Variants in MPDU1 observed in about 807,000 individuals in gnomAD.
MPDU1 encodes mannose-P-dolichol utilization defect 1.
A neutral mutation model predicts 27.6 loss-of-function variants in MPDU1; 18 were observed. The ratio of observed to expected loss-of-function variants is 0.65; its 90% CI spans 0.45 to 0.97. The LOEUF is 0.97. Among genes scored for constraint, MPDU1 ranks in the 50% least tolerant of loss-of-function variants. The pLI, the probability that MPDU1 is intolerant of heterozygous loss-of-function variation, is 0.00. For missense variants in MPDU1, 279 were observed against 297.4 expected, an observed-to-expected ratio of 0.94 and a Z score of 0.46; for synonymous variants, 142 against 131.1, an observed-to-expected ratio of 1.08 and a Z score of -0.57.
At position 7,587,468 on chromosome 17, in the gene MPDU1, T is replaced by G. The variant is rs761520453; in HGVS notation, c.661T>G (p.Ser221Ala). The G allele has an allele frequency of 1.9e-6, 3 of 1,613,748 alleles. No homozygotes were observed. The highest frequency in any genetic ancestry group is 3.3e-5 in the Admixed American group (2 of 59,968). Reference sequence around the variant, plus strand: ...GATGGCTGGGACCTTTGTGGTCTCCTCTCTCTGCAACGGCCTCATCGCCGC... The same window carrying G: ...GATGGCTGGGACCTTTGTGGTCTCCGCTCTCTGCAACGGCCTCATCGCCGC... The part of the protein sequence containing the change: ...PLMAGTFVVS[S>A]LCNGLIAAQL... The change falls in exon 7 of 7, where the codon TCT becomes GCT. Residue 221 changes from serine (S) to alanine (A), a missense_variant. By Grantham distance (99) the Ser-to-Ala change is moderately conservative. Transcript: ENST00000250124.
At chr17:7,584,749 T>C (rs1597862089) in intron 1 of MPDU1, among the ~76,000 whole-genome samples, 1 of 152,050 alleles carries the variant, frequency 6.6e-6, no homozygotes, top group Non-Finnish European at 1.5e-5. Context: ...CCCAGCACTT[T>C]GGGAGGCCGA....
rs146631664 is a variant in MPDU1 at position 7,583,874 on chromosome 17, G to A, written c.12G>A (p.Glu4=). Residue 4 remains glutamate (E), a synonymous_variant, in exon 1 of 7, where the codon GAG becomes GAA. Transcript: ENST00000250124. MAA[E]ADGPLKRLLV... is the part of the protein sequence containing the mutation. ...GCTAGCTTTGCAATATGGCGGCCGA[G>A]GCGGACGGACCGCTTAAACGGCTGC... 3.2e-5 allele frequency: 52 copies of A among 1,613,984 alleles called. No individual in the cohort carries two copies. The highest frequency in any genetic ancestry group is 3.3e-4 in the Middle Eastern group (2 of 6,084).
intron 3 of MPDU1, 120 bp from the exon 4 acceptor site, chr17:7,586,572 C>G (rs571232563): frequency 3.4e-6 from 3 of 882,072 alleles, no homozygotes; most frequent in Non-Finnish European, 5.7e-6. Flanking sequence ...GAGCCAGTCC[C>G]GTGTGGGGGC....
At chr17:7,583,825 G>T (rs766795099), upstream of MPDU1, 1 of 1,604,414 alleles carries the variant, frequency 6.2e-7, no homozygotes, top group East Asian at 2.2e-5. Context: ...GAAAGTCAAT[G>T]GCGGTCTGGA....
In MPDU1 at chr17:7,587,677, C is replaced by A; in HGVS notation, c.*126C>A. 2 of 1,363,290 alleles carry A rather than the reference C, an allele frequency of 1.5e-6. No individual in the cohort carries two copies. Among genetic ancestry groups the A allele is most frequent in the Non-Finnish European group, 2.1e-6 (2 of 966,792 alleles). 84.4% of individuals were successfully genotyped at this position (1,363,290 alleles called of 1,614,324 possible). A position where few individuals can be genotyped will look rare whatever the true frequency, so the allele number is the denominator to read the frequency against. On this transcript the variant is annotated 3_prime_UTR_variant, in exon 7 of 7. Coordinates refer to ENST00000250124, the MANE Select transcript of MPDU1 (RefSeq NM_004870.4). ...CTCTGCACTTGCAGACTTTCTGAGC[C>A]AGGGTTTTCTTTTAGTGGAAACAAA...
chr17:7,584,707 A>G (rs1254397644), intron 1 of MPDU1, among the ~76,000 whole-genome samples: 2 of 152,180 alleles, frequency 1.3e-5, no homozygotes, highest in African/African-American at 2.4e-5. Flanking sequence ...AAAGAGTGGT[A>G]TGGGGCGGGC....
At position 7,585,996 on chromosome 17, in the gene MPDU1, T is replaced by A. The variant is rs1191098069; in HGVS notation, c.220T>A (p.Leu74Met). The A allele has an allele frequency of 1.2e-6, 2 of 1,614,058 alleles. No individual in the cohort carries two copies. The highest frequency in any genetic ancestry group is 2.2e-5 in the East Asian group (1 of 44,874). The change falls in exon 3 of 7, where the codon TTG becomes ATG. Residue 74 changes from leucine (L) to methionine (M), a missense_variant. Physicochemically the swap from Leu to Met is conservative, Grantham distance 15. Coordinates refer to ENST00000250124, the MANE Select transcript of MPDU1 (RefSeq NM_004870.4). ...KILGAKSAEG[L>M]SLQSVMLELV... ...CCTGGGAGCCAAGAGTGCTGAAGGG[T>A]TGAGTCTCCAGTCTGTAATGCTGGA...
In MPDU1 at chr17:7,586,027, T is replaced by G. The variant is rs1319717800; in HGVS notation, c.251T>G (p.Val84Gly). Reference protein sequence around the residue: ...LSLQSVMLELVALTGTMVYSI... With the variant: ...LSLQSVMLELGALTGTMVYSI... ...CTCCAGTCTGTAATGCTGGAGCTAG[T>G]GGCATTGACTGGGACCATGGTCTAC... The change falls in exon 3 of 7, where the codon GTG (valine) becomes GGG (glycine). Residue 84 changes from valine to glycine, a missense_variant. By Grantham distance (109) the Val-to-Gly change is moderately radical (BLOSUM62 -3). Transcript: ENST00000250124. 4 of 1,614,052 alleles carry G rather than the reference T, an allele frequency of 2.5e-6. No homozygotes were observed. In the East Asian group the frequency reaches 6.7e-5, roughly 27 times the overall value.
intron 1 of MPDU1, 55 bp downstream of exon 1, chr17:7,584,020 A>C (rs774663062): frequency 1.9e-6 from 3 of 1,546,314 alleles, no homozygotes; most frequent in Non-Finnish European, 8.9e-7. Context: ...GTGGGCCCTT[A>C]GTCCAAGCCT....
Position 7,587,813 on chromosome 17 carries a change from C to CA in MPDU1, c.*263dup. On this transcript the variant is annotated 3_prime_UTR_variant, in exon 7 of 7. Transcript: ENST00000250124. ...AAGCCCTGTACATGTACTATTAATTCAGTCATTCAGCCAAGCCTCCTCCTC... is the reference window on the plus strand; with the variant it reads ...AAGCCCTGTACATGTACTATTAATTCAAGTCATTCAGCCAAGCCTCCTCCTC... The CA allele has an allele frequency of 1.7e-6, 1 of 582,674 alleles. No homozygotes were observed. The highest frequency in any genetic ancestry group is 3.2e-6 in the Non-Finnish European group (1 of 310,034). The allele number at this position is 582,674 out of a possible 1,614,324, so 36.1% of individuals were successfully genotyped here.
chr17:7,583,774 A>G, upstream of MPDU1: 1 of 1,394,228 alleles, frequency 7.2e-7, no homozygotes, highest in Non-Finnish European at 1.0e-6. Flanking sequence ...CGCCGCGGGA[A>G]AAGAACGGGA....
upstream of MPDU1, chr17:7,583,850 C>A: frequency 6.2e-7 from 1 of 1,613,842 alleles, no homozygotes; most frequent in Admixed American, 1.7e-5. Context: ...CTGGCGGAAG[C>A]TAGCTTTGCA....
At chr17:7,585,289 A>G (rs949259156) in intron 1 of MPDU1, among the ~76,000 whole-genome samples, 3 of 151,894 alleles carry the variant, frequency 2.0e-5, no homozygotes, top group Non-Finnish European at 4.4e-5. Context: ...TAATCCCAGC[A>G]CTTTAAGGAG....
rs2071544898 is a variant in MPDU1 at position 7,584,303 on chromosome 17, C to G, written c.103+338C>G. The stretch of plus-strand genomic sequence containing the variant: ...TAGCAGGGTTAAACTTAATTCAAAG[C>G]CCCTGATGAATCGGGCCTTCATTGC... On this transcript the variant is annotated intron_variant, in intron 1 of 6. Transcript: ENST00000250124. 2.0e-5 allele frequency: 11 copies of G among 549,610 alleles called. No individual in the cohort carries two copies. In the Admixed American group the frequency reaches 3.7e-4, roughly 18 times the overall value. The allele number at this position is 549,610 out of a possible 1,614,324, so 34.0% of individuals were successfully genotyped here. A position where few individuals can be genotyped will look rare whatever the true frequency, so the allele number is the denominator to read the frequency against.
Position 7,587,719 on chromosome 17 carries a change from A to AT in MPDU1, c.*169dup. ...GGAAACAAATGGTTGATGGATCCAG[A>AT]TCCTTAGAAAAGGAGAGGATGGGGG... On this transcript the variant is annotated 3_prime_UTR_variant, in exon 7 of 7. Transcript: ENST00000250124. 9.7e-7 allele frequency: 1 copy of AT among 1,033,974 alleles called. No homozygotes were observed. Among genetic ancestry groups the AT allele is most frequent in the East Asian group, 2.7e-5 (1 of 37,536 alleles). 64.0% of individuals were successfully genotyped at this position (1,033,974 alleles called of 1,614,324 possible). A position where few individuals can be genotyped will look rare whatever the true frequency, so the allele number is the denominator to read the frequency against.
chr17:7,586,168 G>C (rs1166073326), intron 3 of MPDU1, 90 bp downstream of exon 3: 2 of 1,516,998 alleles, frequency 1.3e-6, no homozygotes, highest in East Asian at 4.8e-5. Flanking sequence ...CAAAGTGGCC[G>C]GGCCCAGTGG....
intron 4 of MPDU1, 42 bp downstream of exon 4, chr17:7,586,819 G>A (rs2071590582): frequency 1.9e-6 from 3 of 1,612,464 alleles, no homozygotes; most frequent in South Asian, 1.1e-5. Flanking sequence ...TGGTTCCTGG[G>A]AACCCTGCTG....
chr17:7,583,790 A>G (rs2075230), upstream of MPDU1: 253,634 of 1,478,702 alleles, frequency 0.17, 24,481 homozygotes, highest in East Asian at 0.39. Flanking sequence ...CGGGAGGCGG[A>G]GTGTCCGCAG....
In MPDU1 at chr17:7,587,466, C is replaced by G. The variant is rs1567743976; in HGVS notation, c.659C>G (p.Ser220Cys). 6.2e-7 allele frequency: 1 copy of G among 1,613,786 alleles called. No homozygotes were observed. The highest frequency in any genetic ancestry group is 8.5e-7 in the Non-Finnish European group (1 of 1,179,964). Residue 220 changes from serine (S) to cysteine (C), a missense_variant, in exon 7 of 7, where the codon TCC becomes TGC. Ser to Cys is a moderately radical substitution (Grantham distance 112). Coordinates refer to ENST00000250124, the MANE Select transcript of MPDU1 (RefSeq NM_004870.4). The stretch of plus-strand genomic sequence containing the variant: ...CTGATGGCTGGGACCTTTGTGGTCT[C>G]CTCTCTCTGCAACGGCCTCATCGCC... ...DPLMAGTFVVSSLCNGLIAAQ... is the reference protein window; with the variant it reads ...DPLMAGTFVVCSLCNGLIAAQ...
Sources: allele counts gnomAD v4.1 joint callset (sites outside exome capture counted in the v4.1 genomes callset), GRCh38; gene constraint gnomAD v4.1.1; transcripts MANE v1.5; gene names NCBI Gene and HGNC (gene_info 2026-07-23, HGNC 2026-07-21).